DST: variants seen among roughly 807,000 people sequenced by gnomAD.
The protein encoded by DST is bullous pemphigoid antigen.
In DST, 253 loss-of-function variants were observed where a neutral mutation model predicts 875.2. The observed-to-expected ratio is 0.29, with a 90% CI of 0.26 to 0.32. The LOEUF is 0.32. Ranked by LOEUF, DST falls within the 10% of genes least tolerant of loss-of-function variation. The pLI is 1.00. For missense variants in DST, 8,287 were observed against 9,111.6 expected (o/e 0.91, Z 3.68); for synonymous variants, 3,124 against 3,197.1 (o/e 0.98, Z 0.77).
At chr6:56,656,515 T>C (rs2099009447) in intron 10 of DST, among the ~76,000 whole-genome samples, 1 of 152,226 alleles carries the variant, frequency 6.6e-6, no homozygotes, top group Non-Finnish European at 1.5e-5. Flanking sequence ...TAAAGCATTA[T>C]CTCACTTAAT....
chr6:56,951,435 A>C (rs897404851), intron 2 of DST, among the ~76,000 whole-genome samples: 5 of 152,240 alleles, frequency 3.3e-5, no homozygotes, highest in African/African-American at 1.2e-4. Flanking sequence ...AAGCAACAAG[A>C]ATATTCATTA....
At chr6:56,806,630 C>G (rs940178055) in intron 4 of DST, among the ~76,000 whole-genome samples, 1 of 152,182 alleles carries the variant, frequency 6.6e-6, no homozygotes. Flanking sequence ...CTGCTACTAA[C>G]CATCTGGTTG....
rs114431918 is a variant in DST at position 56,796,407 on chromosome 6, A to G, written c.625+54990T>C. Among the ~76,000 whole-genome samples, 740 of 152,356 alleles carry G rather than the reference A, an allele frequency of 4.9e-3. 8 individuals carry two copies. The highest frequency in any genetic ancestry group is 0.017 in the African/African-American group (714 of 41,578). ...AATGTGGTAACTACATTGGGAAGAC[A>G]GAGAATGGAGAGTATGACCTGTCTA... is the stretch of plus-strand genomic sequence containing the variant. On this transcript the variant is annotated intron_variant, in intron 4 of 103. Transcript: ENST00000680361.
rs553803641 is a variant in DST at position 56,849,325 on chromosome 6, C to T, written c.625+2072G>A. Among the ~76,000 whole-genome samples, 17 of 151,848 alleles carry T rather than the reference C, an allele frequency of 1.1e-4. No homozygotes were observed. In the East Asian group the frequency reaches 2.7e-3, roughly 24 times the overall value. ...CTAATTTTTGTATTTTTAGTAGAGA[C>T]GGGGTTTCACCACATTGACCAGGAT... On this transcript the variant is annotated intron_variant, in intron 4 of 103. Transcript: ENST00000680361.
rs1563462039 is a variant in DST at position 56,650,943 on chromosome 6, C to T, written c.1417G>A (p.Glu473Lys). 3 of 1,611,292 alleles carry T rather than the reference C, an allele frequency of 1.9e-6. No homozygotes were observed. Among genetic ancestry groups the T allele is most frequent in the Non-Finnish European group, 2.5e-6 (3 of 1,177,956 alleles). Residue 473 changes from glutamate to lysine, a missense_variant, in exon 12 of 104, where the codon GAA becomes AAA. Around this residue, in one of 10 missense-constraint regions of DST, gnomAD observed 1,160 missense variants for 1,424.3 expected, o/e 0.81. Transcript: ENST00000680361. Reference sequence around the variant, plus strand: ...ATACTCACATTTGCACCAATGCCTTCCCCACCTTCAGGGACTTTAGGAAAT... The same window carrying T: ...ATACTCACATTTGCACCAATGCCTTTCCCACCTTCAGGGACTTTAGGAAAT... ...DAFPKVPEGG[E>K]GIGANDVEVK...
chr6:56,532,302 C>A, intron 64 of DST, 42 bp downstream of exon 64: 1 of 1,570,738 alleles, frequency 6.4e-7, no homozygotes, highest in Non-Finnish European at 8.7e-7. Flanking sequence ...TAGACAGAGG[C>A]CACTGCTACT....
chr6:56,694,772 G>A (rs935772963), intron 9 of DST, among the ~76,000 whole-genome samples: 2 of 151,996 alleles, frequency 1.3e-5, no homozygotes, highest in African/African-American at 2.4e-5. Flanking sequence ...TCACAGGGGC[G>A]GCTCCCTCAT....
chr6:56,562,768 G>A (rs1172565323), intron 55 of DST, among the ~76,000 whole-genome samples: 1 of 150,944 alleles, frequency 6.6e-6, no homozygotes, highest in Non-Finnish European at 1.5e-5. Flanking sequence ...GCCCCGGTGT[G>A]TAATGTTCCC....
chr6:56,596,179 C>T lies in DST; in HGVS notation c.12195+1561G>A, dbSNP rs2098383594. Among the ~76,000 whole-genome samples the T allele has an allele frequency of 2.0e-5, 3 of 152,054 alleles. No individual in the cohort carries two copies. In the South Asian group the frequency reaches 6.2e-4, roughly 32 times the overall value. ...AAGTAGCTGGGATTACAGGCACGCACCACCACACCCAGCTAATTTTTGTAT... is the reference window on the plus strand; with the variant it reads ...AAGTAGCTGGGATTACAGGCACGCATCACCACACCCAGCTAATTTTTGTAT... On this transcript the variant is annotated intron_variant, in intron 47 of 103. Transcript: ENST00000680361.
chr6:56,634,308 A>G (rs2152765043), intron 26 of DST, 50 bp from the exon 27 acceptor site: 1 of 1,612,998 alleles, frequency 6.2e-7, no homozygotes, highest in Non-Finnish European at 8.5e-7. Context: ...TCCCTCTGAA[A>G]ACACACTGCA....
chr6:56,561,059 A>T (rs1227775079), intron 57 of DST, among the ~76,000 whole-genome samples: 1 of 152,226 alleles, frequency 6.6e-6, no homozygotes, highest in Non-Finnish European at 1.5e-5. Flanking sequence ...AAACTGATTT[A>T]AAGGTGGCAA....
chr6:56,581,953 TC>T (rs2098009941), intron 49 of DST, among the ~76,000 whole-genome samples: 1 of 152,234 alleles, frequency 6.6e-6, no homozygotes, highest in Admixed American at 6.5e-5. Flanking sequence ...AGGCTTATTT[TC>T]CACATGCAAA....
At chr6:56,831,192 G>A (rs1198127716) in intron 4 of DST, among the ~76,000 whole-genome samples, 1 of 152,144 alleles carries the variant, frequency 6.6e-6, no homozygotes, top group Non-Finnish European at 1.5e-5. Flanking sequence ...CATTTGCTGA[G>A]CCATGGCTAA....
At chr6:56,551,906 TG>T (rs1438488265) in intron 61 of DST, among the ~76,000 whole-genome samples, 3 of 152,134 alleles carry the variant, frequency 2.0e-5, no homozygotes, top group African/African-American at 7.2e-5. Flanking sequence ...ATTCCAGAAA[TG>T]GACCCTATGA....
intron 49 of DST, among the ~76,000 whole-genome samples, chr6:56,585,521 T>G (rs1338934867): frequency 6.6e-6 from 1 of 152,118 alleles, no homozygotes; most frequent in African/African-American, 2.4e-5. Context: ...GTCTATCAAT[T>G]TTGTTGATCC....
rs375268184 is a variant in DST at position 56,605,560 on chromosome 6, T to A, written c.9068A>T (p.Lys3023Ile). Residue 3023 changes from lysine to isoleucine, a missense_variant, in exon 40 of 104, where the codon AAA becomes ATA. Physicochemically the swap from Lys to Ile is moderately radical, Grantham distance 102. Around this residue, in one of 10 missense-constraint regions of DST, gnomAD observed 3,138 missense variants for 3,116.6 expected, o/e 1.01. Coordinates refer to ENST00000680361, the MANE Select transcript of DST (RefSeq NM_001374736.1). ...ATCGCTTCCATTTCCTTGAGGATCT[T>A]TGTCAGTTACAGAGGCTATCAATGA... ...HLSLIASVTD[K>I]DPQGNGSDLI... is the part of the protein sequence containing the mutation. The A allele has an allele frequency of 6.2e-7, 1 of 1,613,180 alleles. No individual in the cohort carries two copies. Among genetic ancestry groups the A allele is most frequent in the Non-Finnish European group, 8.5e-7 (1 of 1,179,370 alleles).
Position 56,525,563 on chromosome 6 carries a change from T to C in DST, c.18129+798A>G, listed in dbSNP as rs546274911. ...ATCAGCTTGATTTATGCCTCTTGCT[T>C]TTGGCTCATACTAGTAAAAGCTTAG... On this transcript the variant is annotated intron_variant, in intron 69 of 103. Transcript: ENST00000680361. Among the ~76,000 whole-genome samples, 3 of 152,328 alleles carry C rather than the reference T, an allele frequency of 2.0e-5. No individual in the cohort carries two copies. In the South Asian group the frequency reaches 6.2e-4, roughly 32 times the overall value.
At chr6:56,894,631 G>A (rs1431528302) in intron 3 of DST, among the ~76,000 whole-genome samples, 1 of 44,408 alleles carries the variant, frequency 2.3e-5, no homozygotes, top group Non-Finnish European at 4.0e-5. Flanking sequence ...CTCACCTCCC[G>A]GACGGGGCGG....
At chr6:56,850,212 G>A (rs1459183744) in intron 4 of DST, among the ~76,000 whole-genome samples, 2 of 152,162 alleles carry the variant, frequency 1.3e-5, no homozygotes, top group Non-Finnish European at 2.9e-5. Flanking sequence ...GCCAGAAGAA[G>A]CTCAAGGCTG....
Sources: gnomAD v4.1 joint callset for allele counts (sites outside exome capture counted in the v4.1 genomes callset) on GRCh38, gnomAD v4.1.1 for gene constraint, gnomAD v4.1.1 regional missense constraint, MANE v1.5 for transcripts, NCBI Gene and HGNC (gene_info 2026-07-23, HGNC 2026-07-21) for gene names.